SORCS2: variants seen among roughly 807,000 people sequenced by gnomAD.
The protein encoded by SORCS2 is sortilin related VPS10 domain containing receptor 2.
SORCS2 carries 100 observed loss-of-function variants against 141.6 expected under a neutral mutation model. The observed-to-expected ratio is 0.71, with a 90% CI of 0.60 to 0.83. The LOEUF is 0.83. Among genes scored for constraint, SORCS2 ranks in the 40% least tolerant of loss-of-function variants. SORCS2 has a pLI of 0.00. For synonymous variants in SORCS2, 789 were observed against 676.9 expected (o/e 1.17, Z -2.57); for missense variants, 1,646 against 1,560.2 (o/e 1.05, Z -0.93).
intron 3 of SORCS2, among the ~76,000 whole-genome samples, chr4:7,573,873 C>T (rs1715559085): frequency 6.6e-6 from 1 of 152,176 alleles, no homozygotes; most frequent in African/African-American, 2.4e-5. Flanking sequence ...AGTGGCTGTC[C>T]TGCGCCCACT....
At chr4:7,626,016 C>T (rs1260801679) in intron 3 of SORCS2, among the ~76,000 whole-genome samples, 3 of 152,002 alleles carry the variant, frequency 2.0e-5, no homozygotes, top group Non-Finnish European at 2.9e-5. Flanking sequence ...GTGGTACACA[C>T]GCGCCTGTGG....
chr4:7,693,712 G>A (rs1439987673), intron 11 of SORCS2, among the ~76,000 whole-genome samples: 2 of 152,266 alleles, frequency 1.3e-5, no homozygotes, highest in East Asian at 3.8e-4. Context: ...GAGCACCACA[G>A]CCTGCCCTGT....
chr4:7,701,693 G>A (rs1725098272), intron 12 of SORCS2, among the ~76,000 whole-genome samples: 1 of 152,210 alleles, frequency 6.6e-6, no homozygotes, highest in African/African-American at 2.4e-5. Context: ...GTCTGCTGGG[G>A]TTCATGTTCT....
chr4:7,488,334 T>A (rs904270063), intron 2 of SORCS2, among the ~76,000 whole-genome samples: 1 of 152,172 alleles, frequency 6.6e-6, no homozygotes, highest in African/African-American at 2.4e-5. Context: ...AGAGTCCTGC[T>A]CCTGACAAAC....
chr4:7,372,939 C>T (rs1481156717), intron 1 of SORCS2, among the ~76,000 whole-genome samples: 2 of 151,536 alleles, frequency 1.3e-5, no homozygotes, highest in East Asian at 3.9e-4. Flanking sequence ...CGCAGTCTTC[C>T]ATCGTGTGAA....
chr4:7,193,470 C>T lies in SORCS2; in HGVS notation c.480+344C>T, dbSNP rs1337656843. On this transcript the variant is annotated intron_variant, in intron 1 of 26. Coordinates refer to ENST00000507866, the MANE Select transcript of SORCS2 (RefSeq NM_020777.3). The surrounding 1 kb of genome is among the most constrained non-coding windows in gnomAD (Gnocchi z 4.8). ...AAGCCTGCAGGTCCTTGAGGGTACC[C>T]CAGCTCGGCGTTACCTCCCCTGCCC... 6.6e-6 allele frequency among the ~76,000 whole-genome samples: 1 copy of T among 152,170 alleles called. No homozygotes were observed. The highest frequency in any genetic ancestry group is 6.5e-5 in the Admixed American group (1 of 15,282).
At chr4:7,388,059 TAC>T (rs1465223021) in intron 1 of SORCS2, among the ~76,000 whole-genome samples, 2 of 141,888 alleles carry the variant, frequency 1.4e-5, no homozygotes, top group African/African-American at 2.7e-5. Flanking sequence ...TGCACACACA[TAC>T]AGTTACACAG....
intron 1 of SORCS2, among the ~76,000 whole-genome samples, chr4:7,351,679 A>ATCCG (rs1238492000): frequency 2.7e-5 from 4 of 146,962 alleles, no homozygotes; most frequent in African/African-American, 1.0e-4. Context: ...CCTCTCTTCC[A>ATCCG]TCCGTCCATC....
At chr4:7,264,112 C>T (rs181597832) in intron 1 of SORCS2, among the ~76,000 whole-genome samples, 41 of 152,268 alleles carry the variant, frequency 2.7e-4, no homozygotes, top group African/African-American at 7.2e-4. Context: ...AGGGTCACTG[C>T]GCTGAGGTTA....
intron 2 of SORCS2, among the ~76,000 whole-genome samples, chr4:7,517,319 G>A (rs1733051706): frequency 6.6e-6 from 1 of 152,170 alleles, no homozygotes; most frequent in South Asian, 2.1e-4. Context: ...GCTTTCCAGA[G>A]AGGGGCAGTT....
chr4:7,261,407 T>A (rs1714310068), intron 1 of SORCS2, among the ~76,000 whole-genome samples: 1 of 152,206 alleles, frequency 6.6e-6, no homozygotes, highest in African/African-American at 2.4e-5. Flanking sequence ...AATGTGCTGT[T>A]TGTCTGCCAT....
chr4:7,552,649 C>T (rs1713799838), intron 3 of SORCS2, among the ~76,000 whole-genome samples: 1 of 152,212 alleles, frequency 6.6e-6, no homozygotes, highest in African/African-American at 2.4e-5. Context: ...AACAGTGCTT[C>T]AACCTCCTGC....
chr4:7,442,996 G>A (rs922505694), intron 2 of SORCS2, among the ~76,000 whole-genome samples: 3 of 152,138 alleles, frequency 2.0e-5, no homozygotes, highest in African/African-American at 7.2e-5. Flanking sequence ...GTTTGCAGCC[G>A]CCTTGCTCTA....
chr4:7,610,432 A>G (rs566325347), intron 3 of SORCS2, among the ~76,000 whole-genome samples: 28 of 152,178 alleles, frequency 1.8e-4, no homozygotes, highest in Admixed American at 1.7e-3. Flanking sequence ...GCATACCTCC[A>G]CTGTCACTCC....
intron 4 of SORCS2, among the ~76,000 whole-genome samples, chr4:7,639,752 TGA>T (rs1720524877): frequency 6.6e-6 from 1 of 151,548 alleles, no homozygotes; most frequent in African/African-American, 2.4e-5. Flanking sequence ...TGTGAATGTA[TGA>T]GTGTATGTGG....
At chr4:7,705,444 G>T (rs912871412) in intron 14 of SORCS2, among the ~76,000 whole-genome samples, 1 of 152,224 alleles carries the variant, frequency 6.6e-6, no homozygotes, top group African/African-American at 2.4e-5. Flanking sequence ...CGAGGCTGCC[G>T]CGACAGCCCA....
At chr4:7,660,325 T>C (rs765696268) in intron 5 of SORCS2, among the ~76,000 whole-genome samples, 2 of 152,232 alleles carry the variant, frequency 1.3e-5, no homozygotes, top group Non-Finnish European at 2.9e-5. Context: ...CTGAGTGTCC[T>C]GACCCAGGAG....
At chr4:7,544,059 C>T (rs911561539) in intron 3 of SORCS2, among the ~76,000 whole-genome samples, 148 of 110,488 alleles carry the variant, frequency 1.3e-3, no homozygotes, top group African/African-American at 5.1e-3. Context: ...CAGCCACCCA[C>T]CCATCCATCC....
At chr4:7,482,362 C>T (rs78499466) in intron 2 of SORCS2, among the ~76,000 whole-genome samples, 5 of 33,088 alleles carry the variant, frequency 1.5e-4, no homozygotes, top group African/African-American at 5.9e-4. Context: ...CCCCTGACGC[C>T]GTTCAGACCT....
Sources: gnomAD v4.1 joint callset for allele counts (sites outside exome capture counted in the v4.1 genomes callset) on GRCh38, gnomAD v4.1.1 for gene constraint, Gnocchi (gnomAD v3.1) non-coding constraint, MANE v1.5 for transcripts, NCBI Gene and HGNC (gene_info 2026-07-23, HGNC 2026-07-21) for gene names.